MRTFA: variants seen among roughly 807,000 people sequenced by gnomAD.
MRTFA encodes myocardin related transcription factor A, also known as myocardin-related transcription factor A.
A neutral mutation model predicts 83.5 loss-of-function variants in MRTFA; 20 were observed. The observed-to-expected ratio is 0.24, with a 90% CI of 0.17 to 0.35. The LOEUF is 0.35. Ranked by LOEUF, MRTFA falls within the 10% of genes least tolerant of loss-of-function variation. The probability of loss-of-function intolerance (pLI) is 1.00; values close to 1 mark genes in which losing one functional copy is unlikely to be tolerated. For missense variants in MRTFA, 1,200 were observed against 1,224.7 expected, an observed-to-expected ratio of 0.98 and a Z score of 0.30; for synonymous variants, 659 against 541.2, an observed-to-expected ratio of 1.22 and a Z score of -3.02.
At chr22:40,544,306 T>C (rs2055332235) in intron 3 of MRTFA, among the ~76,000 whole-genome samples, 1 of 152,164 alleles carries the variant, frequency 6.6e-6, no homozygotes, top group Admixed American at 6.5e-5. Flanking sequence ...ATGATTATAG[T>C]TCATTGTAAC....
At chr22:40,445,045 C>A (rs529076623) in intron 4 of MRTFA, among the ~76,000 whole-genome samples, 1 of 152,096 alleles carries the variant, frequency 6.6e-6, no homozygotes, top group Admixed American at 6.6e-5. Context: ...CCAGCCTGGG[C>A]AACAGAATAA....
intron 3 of MRTFA, among the ~76,000 whole-genome samples, chr22:40,541,854 G>C (rs2055296176): frequency 6.6e-6 from 1 of 152,108 alleles, no homozygotes; most frequent in African/African-American, 2.4e-5. Context: ...TTTTAGTAGA[G>C]ACAGGGTTTC....
chr22:40,619,154 T>A, intron 1 of MRTFA, among the ~76,000 whole-genome samples: 1 of 152,006 alleles, frequency 6.6e-6, no homozygotes, highest in East Asian at 1.9e-4. Flanking sequence ...CTAACATTCA[T>A]AATCACTTGG....
chr22:40,545,544 C>T (rs112120410), intron 3 of MRTFA, among the ~76,000 whole-genome samples: 4 of 151,656 alleles, frequency 2.6e-5, no homozygotes, highest in African/African-American at 7.3e-5. Flanking sequence ...GCAATTCTCC[C>T]GCCTCAGCCT....
chr22:40,594,045 A>G (rs1045517136), intron 2 of MRTFA, among the ~76,000 whole-genome samples: 10 of 152,260 alleles, frequency 6.6e-5, no homozygotes, highest in Admixed American at 3.3e-4. Flanking sequence ...GGCACCTGAC[A>G]TAAGACAGAT....
At chr22:40,489,718 C>T (rs2054239746) in intron 3 of MRTFA, among the ~76,000 whole-genome samples, 1 of 152,104 alleles carries the variant, frequency 6.6e-6, no homozygotes, top group African/African-American at 2.4e-5. Context: ...GTGGCTCACT[C>T]CTATAATCCC....
At chr22:40,561,312 C>T (rs1352602815) in intron 2 of MRTFA, among the ~76,000 whole-genome samples, 2 of 151,622 alleles carry the variant, frequency 1.3e-5, no homozygotes, top group Non-Finnish European at 2.9e-5. Context: ...CTAGGTACTG[C>T]CCTACGTCCT....
chr22:40,611,754 T>C (rs2056390522), intron 1 of MRTFA, among the ~76,000 whole-genome samples: 2 of 152,136 alleles, frequency 1.3e-5, no homozygotes, highest in African/African-American at 2.4e-5. Context: ...TGATGACCTA[T>C]AAAAGTCTAC....
intron 2 of MRTFA, among the ~76,000 whole-genome samples, chr22:40,589,146 A>G (rs576446199): frequency 6.6e-6 from 1 of 152,192 alleles, no homozygotes; most frequent in Non-Finnish European, 1.5e-5. Context: ...GTATCCTAAA[A>G]AAGTGAATCT....
intron 3 of MRTFA, among the ~76,000 whole-genome samples, chr22:40,502,771 C>T (rs985418215): frequency 6.6e-6 from 1 of 151,908 alleles, no homozygotes; most frequent in African/African-American, 2.4e-5. Flanking sequence ...GGGCGGCGCT[C>T]GCCGGCGCGG....
intron 5 of MRTFA, among the ~76,000 whole-genome samples, chr22:40,432,084 A>G (rs2053079419): frequency 6.6e-6 from 1 of 152,112 alleles, no homozygotes; most frequent in African/African-American, 2.4e-5. Context: ...TGTCTCTACT[A>G]AAAATACAAA....
At chr22:40,611,159 G>A (rs1254256143) in intron 1 of MRTFA, among the ~76,000 whole-genome samples, 6 of 151,984 alleles carry the variant, frequency 3.9e-5, no homozygotes, top group African/African-American at 1.2e-4. Context: ...GGCTGGTCTC[G>A]AACTCCTGAC....
At chr22:40,562,246 C>A (rs1255915258) in intron 2 of MRTFA, among the ~76,000 whole-genome samples, 2 of 150,004 alleles carry the variant, frequency 1.3e-5, no homozygotes, top group Non-Finnish European at 3.0e-5. Flanking sequence ...GGTCTCATGA[C>A]TACACAGAAG....
At chr22:40,469,696 G>C (rs1176670804) in intron 3 of MRTFA, among the ~76,000 whole-genome samples, 3 of 151,980 alleles carry the variant, frequency 2.0e-5, no homozygotes, top group African/African-American at 7.3e-5. Context: ...ACACTCCCCA[G>C]GTCACAACAC....
intron 1 of MRTFA, among the ~76,000 whole-genome samples, chr22:40,633,113 C>A: frequency 6.6e-6 from 1 of 152,160 alleles, no homozygotes; most frequent in East Asian, 1.9e-4. Context: ...TCTCTTTTCT[C>A]TTTCAAAAAC....
chr22:40,482,393 C>G (rs145609973), intron 3 of MRTFA, among the ~76,000 whole-genome samples: 1 of 152,126 alleles, frequency 6.6e-6, no homozygotes, highest in South Asian at 2.1e-4. Flanking sequence ...CTCATCTCCC[C>G]CCTTGAGGTG....
intron 2 of MRTFA, among the ~76,000 whole-genome samples, chr22:40,580,173 T>C (rs1213695728): frequency 1.3e-5 from 2 of 152,202 alleles, no homozygotes; most frequent in African/African-American, 4.8e-5. Context: ...CCAATAATTT[T>C]TTTTAAACTC....
intron 3 of MRTFA, among the ~76,000 whole-genome samples, chr22:40,466,201 T>A (rs1316814067): frequency 6.6e-6 from 1 of 152,082 alleles, no homozygotes; most frequent in Non-Finnish European, 1.5e-5. Flanking sequence ...CAGAAAAAAA[T>A]TATAACCATA....
chr22:40,500,051 T>C (rs2054432219), intron 3 of MRTFA, among the ~76,000 whole-genome samples: 1 of 148,684 alleles, frequency 6.7e-6, no homozygotes, highest in African/African-American at 2.5e-5. Flanking sequence ...TGCCTCAGCC[T>C]CCCTAGTAGC....
Sources: allele counts gnomAD v4.1 joint callset (sites outside exome capture counted in the v4.1 genomes callset), GRCh38; gene constraint gnomAD v4.1.1; transcripts MANE v1.5; gene names NCBI Gene and HGNC (gene_info 2026-07-23, HGNC 2026-07-21).